Variants in CD99L2 observed in about 807,000 individuals in gnomAD.
The protein encoded by CD99L2 is CD99 molecule like 2, also known as CD99 antigen-like protein 2.
In CD99L2, 24 loss-of-function variants were observed where a neutral mutation model predicts 27.3. That is an observed-to-expected ratio of 0.88 (90% CI 0.64 to 1.24). The LOEUF is 1.24. Ranked by LOEUF, CD99L2 falls within the 50% of genes most tolerant of loss-of-function variation. CD99L2 has a pLI of 0.00. For synonymous variants in CD99L2, 97 were observed against 87.9 expected (o/e 1.10, Z -0.58); for missense variants, 255 against 221.6 (o/e 1.15, Z -0.96).
chrX:150,847,557 C>T (rs956998872), intron 1 of CD99L2, among the ~76,000 whole-genome samples: 1 of 110,524 alleles, frequency 9.0e-6, no homozygotes, highest in African/African-American at 3.3e-5. Flanking sequence ...TCTCTCCCAC[C>T]CCTTCATAAC....
At chrX:150,819,839 G>A (rs2046219411) in intron 2 of CD99L2, among the ~76,000 whole-genome samples, 1 of 111,996 alleles carries the variant, frequency 8.9e-6, no homozygotes, top group South Asian at 3.7e-4. Flanking sequence ...TATAGCAAGA[G>A]ATTGAGTCAG....
Position 150,816,018 on chromosome X carries a change from G to A in CD99L2, c.191C>T (p.Ala64Val). The A allele has an allele frequency of 1.7e-6, 2 of 1,211,411 alleles. No homozygotes were observed. Among genetic ancestry groups the A allele is most frequent in the Non-Finnish European group, 2.2e-6 (2 of 895,288 alleles). ...GGCAGCCACATTACCTGGAGGTTTTGCCGGAGCTCTGGTGGTTCCTGGCCT... is the reference window on the plus strand; with the variant it reads ...GGCAGCCACATTACCTGGAGGTTTTACCGGAGCTCTGGTGGTTCCTGGCCT... Reference protein sequence around the residue: ...TNRPGTTRAPAKPPGSGLDLA... With the variant: ...TNRPGTTRAPVKPPGSGLDLA... The change falls in exon 3 of 11, where the codon GCA becomes GTA. Residue 64 changes from alanine (A) to valine (V), a missense_variant. Transcript: ENST00000370377.
At chrX:150,797,778 C>T (rs2045819941) in intron 4 of CD99L2, among the ~76,000 whole-genome samples, 1 of 111,041 alleles carries the variant, frequency 9.0e-6, no homozygotes, top group African/African-American at 3.3e-5. Flanking sequence ...GGTGCAGTGG[C>T]TCACGCCTGT....
At chrX:150,769,685 C>T (rs182605076) in intron 10 of CD99L2, among the ~76,000 whole-genome samples, 1 of 86,032 alleles carries the variant, frequency 1.2e-5, no homozygotes, top group Non-Finnish European at 1.9e-5. Context: ...GCCTGCGCCA[C>T]CAGGCCTCGG....
chrX:150,814,566 T>C (rs1416285552), intron 4 of CD99L2, among the ~76,000 whole-genome samples: 3 of 112,951 alleles, frequency 2.7e-5, no homozygotes, highest in Non-Finnish European at 5.6e-5. Context: ...ATGTTATTTA[T>C]GTTAAATGTA....
rs941797765 is a variant in CD99L2 at position 150,767,552 on chromosome X, G to A, written c.*1482C>T. On this transcript the variant is annotated 3_prime_UTR_variant, in exon 11 of 11. Coordinates refer to ENST00000370377, the MANE Select transcript of CD99L2 (RefSeq NM_031462.4). Reference sequence around the variant, plus strand: ...TCCACCACAGGCATGTTTGCAAAACGAACACGAGGCATGCGTTAGACAGAT... The same window carrying A: ...TCCACCACAGGCATGTTTGCAAAACAAACACGAGGCATGCGTTAGACAGAT... 8.9e-6 allele frequency: 1 copy of A among 111,845 alleles called. No individual in the cohort carries two copies. Among genetic ancestry groups the A allele is most frequent in the Non-Finnish European group, 1.9e-5 (1 of 53,160 alleles). 9.2% of individuals were successfully genotyped at this position (111,845 alleles called of 1,213,427 possible).
At chrX:150,862,167 G>A (rs2046990080) in intron 1 of CD99L2, among the ~76,000 whole-genome samples, 1 of 111,849 alleles carries the variant, frequency 8.9e-6, no homozygotes, top group African/African-American at 3.3e-5. Context: ...AAAGCACTGT[G>A]ATATAATACA....
chrX:150,788,553 TA>T (rs2045635581), intron 7 of CD99L2, among the ~76,000 whole-genome samples: 1 of 111,477 alleles, frequency 9.0e-6, no homozygotes, highest in Non-Finnish European at 1.9e-5. Flanking sequence ...ATTCAAAAGA[TA>T]CCAGGGAAGA....
At chrX:150,789,610 G>C (rs1557419663) in intron 7 of CD99L2, among the ~76,000 whole-genome samples, 1 of 111,706 alleles carries the variant, frequency 9.0e-6, no homozygotes, top group Non-Finnish European at 1.9e-5. Flanking sequence ...TTATAGCTGG[G>C]CGCAACGGCT....
At chrX:150,847,789 A>G (rs782390929) in intron 1 of CD99L2, among the ~76,000 whole-genome samples, 14 of 110,764 alleles carry the variant, frequency 1.3e-4, no homozygotes, top group Non-Finnish European at 2.3e-4. Context: ...CTGTCCCGAC[A>G]TCTTCTCCTT....
intron 1 of CD99L2, among the ~76,000 whole-genome samples, chrX:150,888,525 G>GA (rs782287053): frequency 8.9e-6 from 1 of 112,248 alleles, no homozygotes; most frequent in Admixed American, 9.5e-5. Context: ...GGGGTTAGGG[G>GA]AGGGGGAATG....
chrX:150,843,226 T>C (rs2046648412), intron 1 of CD99L2, among the ~76,000 whole-genome samples: 1 of 112,221 alleles, frequency 8.9e-6, no homozygotes, highest in Admixed American at 9.5e-5. Context: ...TCTCTAAGGA[T>C]GGTTTCTATT....
At position 150,793,774 on chromosome X, in the gene CD99L2, T is replaced by C. The variant is rs1557419795; in HGVS notation, c.431-18A>G. On this transcript the variant is annotated intron_variant, in intron 6 of 10. Transcript: ENST00000370377. The stretch of plus-strand genomic sequence containing the variant: ...TGAAAAACCTGGAGAAAATAAAACA[T>C]ACATTTCAACAACAAGAAAAAAAAA... 8.7e-7 allele frequency: 1 copy of C among 1,154,883 alleles called. No individual in the cohort carries two copies. Among genetic ancestry groups the C allele is most frequent in the African/African-American group, 1.8e-5 (1 of 55,129 alleles).
intron 4 of CD99L2, among the ~76,000 whole-genome samples, chrX:150,810,954 C>A (rs1442142018): frequency 1.2e-4 from 13 of 111,904 alleles, no homozygotes; most frequent in African/African-American, 4.2e-4. Flanking sequence ...GTAATCCCAG[C>A]ACTTTGGGAG....
At chrX:150,776,570 C>T (rs2043558208) in intron 8 of CD99L2, among the ~76,000 whole-genome samples, 1 of 111,887 alleles carries the variant, frequency 8.9e-6, no homozygotes, top group African/African-American at 3.3e-5. Flanking sequence ...GTGACTGACG[C>T]CCTGCAGGCT....
intron 4 of CD99L2, among the ~76,000 whole-genome samples, chrX:150,803,233 G>A (rs1196048069): frequency 9.0e-6 from 1 of 111,153 alleles, no homozygotes; most frequent in Non-Finnish European, 1.9e-5. Context: ...AACATGTACC[G>A]GATCCTCTAT....
At chrX:150,860,176 A>G (rs1417400470) in intron 1 of CD99L2, among the ~76,000 whole-genome samples, 6 of 112,601 alleles carry the variant, frequency 5.3e-5, no homozygotes, top group African/African-American at 9.7e-5. Flanking sequence ...TGTTTAACAC[A>G]CACAAGTCAA....
chrX:150,845,495 C>T (rs970670451), intron 1 of CD99L2, among the ~76,000 whole-genome samples: 1 of 111,362 alleles, frequency 9.0e-6, no homozygotes, highest in Non-Finnish European at 1.9e-5. Context: ...TGGCATTCCA[C>T]TCTGTGGGGG....
chrX:150,796,587 A>G (rs1557419915), intron 4 of CD99L2, among the ~76,000 whole-genome samples: 5 of 112,506 alleles, frequency 4.4e-5, no homozygotes, highest in Non-Finnish European at 3.8e-5. Context: ...AGCAATTGGT[A>G]GAACTACTAG....
Sources: allele counts gnomAD v4.1 joint callset (sites outside exome capture counted in the v4.1 genomes callset), GRCh38; gene constraint gnomAD v4.1.1; transcripts MANE v1.5; gene names NCBI Gene and HGNC (gene_info 2026-07-23, HGNC 2026-07-21).